Variants in TENM3 observed in about 807,000 individuals in gnomAD.
TENM3 encodes teneurin transmembrane protein 3.
In TENM3, 63 loss-of-function variants were observed where a neutral mutation model predicts 255.1. The observed-to-expected ratio is 0.25, with a 90% confidence interval of 0.20 to 0.30. TENM3 has a LOEUF of 0.30. Among genes scored for constraint, TENM3 ranks in the 10% least tolerant of loss-of-function variants. TENM3 has a pLI of 1.00. For missense variants in TENM3, 2,929 were observed against 3,461.1 expected (o/e 0.85, Z 3.86); for synonymous variants, 1,306 against 1,322.3 (o/e 0.99, Z 0.27).
At chr4:181,878,743 C>CCATCCATCCATCCATGCGTG in the TENM3 span, among the ~76,000 whole-genome samples, 1 of 151,748 alleles carries the variant, frequency 6.6e-6, no homozygotes, top group Non-Finnish European at 1.5e-5. Flanking sequence ...TATCATCTTC[C>CCATCCATCCATCCATGCGTG]CATCCATCCA....
chr4:181,816,679 T>C, the TENM3 span, among the ~76,000 whole-genome samples: 2 of 152,194 alleles, frequency 1.3e-5, no homozygotes, highest in South Asian at 2.1e-4. Context: ...CAGTTGATAA[T>C]GCCACCCATC....
chr4:182,315,278 T>C (rs921713928), intron 1 of TENM3, among the ~76,000 whole-genome samples: 4 of 152,230 alleles, frequency 2.6e-5, no homozygotes, highest in Non-Finnish European at 5.9e-5. Context: ...GTTTTTATTT[T>C]GCCTGAAGGG....
At chr4:181,665,636 TACAC>T in the TENM3 span, among the ~76,000 whole-genome samples, 23,106 of 151,296 alleles carry the variant, frequency 0.15, 2,170 homozygotes, top group East Asian at 0.22. Flanking sequence ...TACACACACA[TACAC>T]ACACATATAT....
At chr4:181,767,072 G>C in the TENM3 span, among the ~76,000 whole-genome samples, 1 of 130,464 alleles carries the variant, frequency 7.7e-6, no homozygotes, top group Non-Finnish European at 1.6e-5. Flanking sequence ...CTAACAAGGG[G>C]AAATCCCGTC....
At chr4:182,250,680 A>G (rs1458371802) in intron 1 of TENM3, among the ~76,000 whole-genome samples, 1 of 152,220 alleles carries the variant, frequency 6.6e-6, no homozygotes, top group African/African-American at 2.4e-5. Flanking sequence ...GAAAAACCTA[A>G]ACTATCTATA....
the TENM3 span, among the ~76,000 whole-genome samples, chr4:181,839,650 T>G: frequency 6.6e-6 from 1 of 151,090 alleles, no homozygotes; most frequent in Non-Finnish European, 1.5e-5. Context: ...AAATCGAATT[T>G]TAGATCGAGA....
the TENM3 span, among the ~76,000 whole-genome samples, chr4:181,544,421 A>AAAAAAAAAAC: frequency 6.8e-6 from 1 of 147,048 alleles, no homozygotes; most frequent in Non-Finnish European, 1.5e-5. Flanking sequence ...AAAAAAAAAA[A>AAAAAAAAAAC]AAAAAAAAAA....
intron 3 of TENM3, among the ~76,000 whole-genome samples, chr4:182,585,830 A>T (rs116568303): frequency 1.1e-3 from 161 of 152,362 alleles, no homozygotes; most frequent in Non-Finnish European, 1.5e-3. Context: ...CATAAGATCC[A>T]TGAAAGACTA....
At chr4:181,687,033 G>T in the TENM3 span, among the ~76,000 whole-genome samples, 1 of 151,866 alleles carries the variant, frequency 6.6e-6, no homozygotes, top group African/African-American at 2.4e-5. Context: ...TGCTTCTCTG[G>T]GTTCTTATTA....
chr4:182,203,033 T>C (rs1754297776), intron 1 of TENM3, among the ~76,000 whole-genome samples: 1 of 151,954 alleles, frequency 6.6e-6, no homozygotes, highest in Non-Finnish European at 1.5e-5. Flanking sequence ...CTGACCAACA[T>C]GGTGAAACCC....
At chr4:181,705,929 G>A in the TENM3 span, among the ~76,000 whole-genome samples, 1 of 152,088 alleles carries the variant, frequency 6.6e-6, no homozygotes, top group African/African-American at 2.4e-5. Context: ...CATTGAGCCT[G>A]GGCAACAAGA....
rs1454699308 is a variant in TENM3 at position 182,729,129 on chromosome 4, A to G, written c.2533A>G (p.Ile845Val). 1.2e-6 allele frequency: 2 copies of G among 1,613,884 alleles called. No individual in the cohort carries two copies. The highest frequency in any genetic ancestry group is 2.2e-5 in the East Asian group (1 of 44,880). The change falls in exon 14 of 28, where the codon ATA (isoleucine) becomes GTA (valine). Residue 845 changes from isoleucine to valine, a missense_variant. This residue lies in a region of TENM3 where 1,608 missense variants were observed against 1,884.4 expected (regional missense o/e 0.85). Transcript: ENST00000511685. ...KSFYDRISFL[I>V]GSDSTHVIPG... Reference sequence around the variant, plus strand: ...CTTTTATGATCGAATCAGTTTCCTTATAGGATCTGATAGCACCCATGTTAT... The same window carrying G: ...CTTTTATGATCGAATCAGTTTCCTTGTAGGATCTGATAGCACCCATGTTAT...
intron 3 of TENM3, among the ~76,000 whole-genome samples, chr4:182,466,468 T>C (rs554645267): frequency 2.6e-5 from 4 of 152,200 alleles, no homozygotes; most frequent in Non-Finnish European, 5.9e-5. Context: ...TAGCTGGGAC[T>C]GCAGGTGTGT....
chr4:181,636,759 T>C, the TENM3 span, among the ~76,000 whole-genome samples: 1 of 152,212 alleles, frequency 6.6e-6, no homozygotes, highest in African/African-American at 2.4e-5. Context: ...CTTCGGTTTA[T>C]CCTCAACGCA....
the TENM3 span, among the ~76,000 whole-genome samples, chr4:181,621,582 C>T: frequency 6.6e-6 from 1 of 152,112 alleles, no homozygotes; most frequent in Non-Finnish European, 1.5e-5. Context: ...CTCAAGAGGT[C>T]GATAACTCCT....
rs751625882 is a variant in TENM3, at chr4:182,800,239, A to G, written c.7988A>G (p.Lys2663Arg). 1.3e-4 allele frequency: 204 copies of G among 1,592,930 alleles called. No homozygotes were observed. The highest frequency in any genetic ancestry group is 1.6e-4 in the Non-Finnish European group (187 of 1,177,968). ...AAGCGGCAGCTGCTGAGCGCCGGCA[A>G]GGTGCAGGGCTACGACGGGTACTAC... is the stretch of plus-strand genomic sequence containing the variant. ...GEKRQLLSAG[K>R]VQGYDGYYVL... The change falls in exon 28 of 28, where the codon AAG (lysine) becomes AGG (arginine). Residue 2663 changes from lysine to arginine, a missense_variant. Coordinates refer to ENST00000511685, the MANE Select transcript of TENM3 (RefSeq NM_001080477.4).
chr4:181,828,221 C>T, the TENM3 span, among the ~76,000 whole-genome samples: 1 of 152,220 alleles, frequency 6.6e-6, no homozygotes, highest in Admixed American at 6.5e-5. Flanking sequence ...CCTTCCCTTA[C>T]TGCCAAGGTT....
At position 182,730,224 on chromosome 4, in the gene TENM3, A is replaced by C; in HGVS notation, c.2610A>C (p.Gln870His). Residue 870 changes from glutamine (Q) to histidine (H), a missense_variant, in exon 15 of 28, where the codon CAA (glutamine) becomes CAC (histidine). Around this residue, in one of 6 missense-constraint regions of TENM3, gnomAD observed 1,608 missense variants for 1,884.4 expected, o/e 0.85. Transcript: ENST00000511685. ...GCCTTGCATCTGTCATCAGAGGCCA[A>C]GTACTGACTGCTGATGGAACTCCAC... is the stretch of plus-strand genomic sequence containing the variant. ...NKSLASVIRG[Q>H]VLTADGTPLI... is the part of the protein sequence containing the mutation. 1 of 1,613,890 alleles carries C rather than the reference A, an allele frequency of 6.2e-7. No homozygotes were observed. The highest frequency in any genetic ancestry group is 8.5e-7 in the Non-Finnish European group (1 of 1,179,812).
intron 1 of TENM3, among the ~76,000 whole-genome samples, chr4:182,180,707 C>T (rs1369944898): frequency 6.6e-6 from 1 of 150,674 alleles, no homozygotes; most frequent in African/African-American, 2.4e-5. Flanking sequence ...AACTCCTGGG[C>T]TCAAGTGATC....
Sources: allele counts gnomAD v4.1 joint callset (sites outside exome capture counted in the v4.1 genomes callset), GRCh38; gene constraint gnomAD v4.1.1; regional missense constraint gnomAD v4.1.1; transcripts MANE v1.5; gene names NCBI Gene and HGNC (gene_info 2026-07-23, HGNC 2026-07-21).